Variants in ZFYVE1 observed in about 807,000 individuals in gnomAD.
ZFYVE1 encodes zinc finger FYVE domain-containing protein 1.
In ZFYVE1, 30 loss-of-function variants were observed where a neutral mutation model predicts 74.4. The observed-to-expected ratio is 0.40, with a 90% CI of 0.30 to 0.55. The LOEUF is 0.55. Ranked by LOEUF, ZFYVE1 falls within the 20% of genes least tolerant of loss-of-function variation. ZFYVE1 has a pLI of 0.42. For synonymous variants in ZFYVE1, 335 were observed against 385.1 expected, an observed-to-expected ratio of 0.87 and a Z score of 1.52; for missense variants, 703 against 1,011.6, an observed-to-expected ratio of 0.69 and a Z score of 4.14.
In ZFYVE1 at chr14:73,026,926, C is replaced by T. The variant is rs975922680; in HGVS notation, c.-435G>A. 1.6e-4 allele frequency: 64 copies of T among 398,594 alleles called. No individual in the cohort carries two copies. The highest frequency in any genetic ancestry group is 1.2e-3 in the African/African-American group (58 of 48,722). The allele number at this position is 398,594 out of a possible 1,614,324, so 24.7% of individuals were successfully genotyped here. On this transcript the variant is annotated splice_region_variant and 5_prime_UTR_variant, in exon 1 of 12. Coordinates refer to ENST00000556143, the MANE Select transcript of ZFYVE1 (RefSeq NM_021260.4). Reference sequence around the variant, plus strand: ...GCCCGCCGCGGCCCGGGGATCCCACCACTGAGAAGCTCGGCCGCAGCAAGG... The same window carrying T: ...GCCCGCCGCGGCCCGGGGATCCCACTACTGAGAAGCTCGGCCGCAGCAAGG...
intron 5 of ZFYVE1, among the ~76,000 whole-genome samples, chr14:72,980,724 T>C (rs1471928610): frequency 6.6e-6 from 1 of 152,082 alleles, no homozygotes; most frequent in Non-Finnish European, 1.5e-5. Context: ...CCGGCCACCG[T>C]GCCAGGCTAA....
intron 4 of ZFYVE1, among the ~76,000 whole-genome samples, chr14:72,990,689 C>G (rs935684442): frequency 1.0e-4 from 7 of 66,682 alleles, no homozygotes; most frequent in Non-Finnish European, 1.9e-4. Context: ...CGCACCTGGC[C>G]TTTTTTTTTT....
Position 73,005,841 on chromosome 14 carries a change from T to C in ZFYVE1, c.484-7526A>G, listed in dbSNP as rs539576667. 2.6e-5 allele frequency among the ~76,000 whole-genome samples: 4 copies of C among 152,276 alleles called. No homozygotes were observed. In the East Asian group the frequency reaches 5.8e-4, roughly 22 times the overall value. ...TCATTTGGGGGCTGATTCAGCAATGTAGTAAGATCTAAATGAATTCTACCT... is the reference window on the plus strand; with the variant it reads ...TCATTTGGGGGCTGATTCAGCAATGCAGTAAGATCTAAATGAATTCTACCT... On this transcript the variant is annotated intron_variant, in intron 2 of 11. Coordinates refer to ENST00000556143, the MANE Select transcript of ZFYVE1 (RefSeq NM_021260.4).
intron 2 of ZFYVE1, among the ~76,000 whole-genome samples, chr14:73,011,339 T>C (rs1894087851): frequency 6.6e-6 from 1 of 151,530 alleles, no homozygotes; most frequent in African/African-American, 2.4e-5. Context: ...TACAAAAAAT[T>C]AACCGGGAGT....
chr14:72,980,136 G>A (rs778599817), intron 5 of ZFYVE1, among the ~76,000 whole-genome samples: 1 of 152,188 alleles, frequency 6.6e-6, no homozygotes, highest in African/African-American at 2.4e-5. Flanking sequence ...AACTCTCCAA[G>A]ATAATCCTTA....
intron 1 of ZFYVE1, among the ~76,000 whole-genome samples, chr14:73,026,607 A>G (rs78050154): frequency 0.022 from 3,310 of 152,178 alleles, 120 homozygotes; most frequent in African/African-American, 0.077. Context: ...CATGTCAACC[A>G]AACATTTTGC....
At position 72,990,627 on chromosome 14, in the gene ZFYVE1, C is replaced by G. The variant is rs143370285; in HGVS notation, c.1203+2516G>C. On this transcript the variant is annotated intron_variant, in intron 4 of 11. Coordinates refer to ENST00000556143, the MANE Select transcript of ZFYVE1 (RefSeq NM_021260.4). ...GTCAGGCTGGTCTCGAACTCCCAAC[C>G]TCAGGTGATCCATCTGCCTCCTGAA... is the stretch of plus-strand genomic sequence containing the variant. Among the ~76,000 whole-genome samples the G allele has an allele frequency of 5.6e-3, 840 of 150,292 alleles. 5 individuals carry two copies. Among genetic ancestry groups the G allele is most frequent in the African/African-American group, 0.019 (795 of 40,992 alleles).
At chr14:73,020,660 T>C (rs1261659279) in intron 2 of ZFYVE1, among the ~76,000 whole-genome samples, 2 of 152,092 alleles carry the variant, frequency 1.3e-5, no homozygotes, top group South Asian at 4.1e-4. Context: ...TCGCAGTTCA[T>C]TGTTAATGGT....
At position 72,975,220 on chromosome 14, in the gene ZFYVE1, A is replaced by C; in HGVS notation, c.1807-261T>G. 1.9e-6 allele frequency: 1 copy of C among 516,088 alleles called. No homozygotes were observed. Among genetic ancestry groups the C allele is most frequent in the Non-Finnish European group, 3.4e-6 (1 of 296,174 alleles). The allele number at this position is 516,088 out of a possible 1,614,324, so 32.0% of individuals were successfully genotyped here. ...GCTGTAGCGTTAATGGATCAAGCTG[A>C]GGATGACCCTAAATAACCTCTAAAG... On this transcript the variant is annotated intron_variant, in intron 9 of 11. Coordinates refer to ENST00000556143, the MANE Select transcript of ZFYVE1 (RefSeq NM_021260.4). This position sits in a 1 kb window ranked among gnomAD's most constrained non-coding sequence, Gnocchi z 4.1.
intron 4 of ZFYVE1, among the ~76,000 whole-genome samples, chr14:72,990,727 TAGGTCTGTTGCCTGGGCTAG>T (rs961168653): frequency 1.7e-5 from 2 of 114,972 alleles, no homozygotes; most frequent in Non-Finnish European, 3.5e-5. Context: ...AGAGGGAGTC[TAGGTCTGTTGCCTGGGCTAG>T]AGTACAGTGG....
At position 73,024,690 on chromosome 14, in the gene ZFYVE1, T is replaced by C; in HGVS notation, c.-182A>G. 1 of 904,640 alleles carries C rather than the reference T, an allele frequency of 1.1e-6. No individual in the cohort carries two copies. 56.0% of individuals were successfully genotyped at this position (904,640 alleles called of 1,614,324 possible). On this transcript the variant is annotated 5_prime_UTR_variant, in exon 2 of 12. Transcript: ENST00000556143. Reference sequence around the variant, plus strand: ...ACAAACAAATGTTCAAATTTTTAATTTGCTGCCTCTAAGACTCTTGTATTA... The same window carrying C: ...ACAAACAAATGTTCAAATTTTTAATCTGCTGCCTCTAAGACTCTTGTATTA...
chr14:72,989,681 C>A (rs752867488), intron 4 of ZFYVE1, among the ~76,000 whole-genome samples: 33 of 152,208 alleles, frequency 2.2e-4, no homozygotes, highest in African/African-American at 6.7e-4. Context: ...GGAAGGAATA[C>A]AGCATGAAGT....
At chr14:72,974,222 C>A in intron 10 of ZFYVE1, 29 bp from the exon 11 acceptor site, 2 of 1,600,960 alleles carry the variant, frequency 1.2e-6, no homozygotes, top group South Asian at 2.2e-5. Flanking sequence ...GAAATGCTGT[C>A]ACCTCTAAGT....
At chr14:73,020,269 A>AG (rs1489303595) in intron 2 of ZFYVE1, among the ~76,000 whole-genome samples, 3 of 151,620 alleles carry the variant, frequency 2.0e-5, no homozygotes, top group Non-Finnish European at 4.4e-5. Context: ...CAAAAAAAAA[A>AG]AAAAAAAGGA....
chr14:73,007,034 T>C (rs956026766), intron 2 of ZFYVE1, among the ~76,000 whole-genome samples: 2 of 151,924 alleles, frequency 1.3e-5, no homozygotes, highest in Non-Finnish European at 2.9e-5. Flanking sequence ...TTCAGAATAG[T>C]TCATGGTAGT....
At position 72,970,838 on chromosome 14, in the gene ZFYVE1, T is replaced by C; in HGVS notation, c.*44A>G. ...TACCTCGCAAGACTGTTTCTAACCCTGAGAACCTAAGGAATTGTGAAGGAC... is the reference window on the plus strand; with the variant it reads ...TACCTCGCAAGACTGTTTCTAACCCCGAGAACCTAAGGAATTGTGAAGGAC... On this transcript the variant is annotated 3_prime_UTR_variant, in exon 12 of 12. Coordinates refer to ENST00000556143, the MANE Select transcript of ZFYVE1 (RefSeq NM_021260.4). 6.3e-7 allele frequency: 1 copy of C among 1,599,590 alleles called. No individual in the cohort carries two copies. Among genetic ancestry groups the C allele is most frequent in the Non-Finnish European group, 8.6e-7 (1 of 1,169,438 alleles).
At chr14:72,982,019 C>T (rs1893345881) in intron 4 of ZFYVE1, 124 bp from the exon 5 acceptor site, 2 of 774,050 alleles carry the variant, frequency 2.6e-6, no homozygotes, top group African/African-American at 1.7e-5. Context: ...CTGCTCATTA[C>T]CCTTGACCTT....
chr14:72,984,433 G>A (rs975882220), intron 4 of ZFYVE1, among the ~76,000 whole-genome samples: 3 of 152,056 alleles, frequency 2.0e-5, no homozygotes, highest in Non-Finnish European at 4.4e-5. Context: ...GGAGACTGAG[G>A]CAGGAGAATC....
intron 4 of ZFYVE1, among the ~76,000 whole-genome samples, chr14:72,990,849 T>G (rs1893594082): frequency 1.3e-5 from 2 of 150,736 alleles, no homozygotes; most frequent in Non-Finnish European, 1.5e-5. Context: ...TACAAGAGTC[T>G]GCCACCACGC....
Sources: gnomAD v4.1 joint callset for allele counts (sites outside exome capture counted in the v4.1 genomes callset) on GRCh38, gnomAD v4.1.1 for gene constraint, Gnocchi (gnomAD v3.1) non-coding constraint, MANE v1.5 for transcripts, NCBI Gene and HGNC (gene_info 2026-07-23, HGNC 2026-07-21) for gene names.